The following SFI1 variants were observed in gnomAD, a reference collection of about 807,000 sequenced individuals.
SFI1 encodes protein SFI1 homolog.
Under a neutral mutation model 207.5 loss-of-function variants are expected in SFI1, and 195 were observed. That is an observed-to-expected ratio of 0.94 (90% CI 0.84 to 1.06). The LOEUF (loss-of-function observed/expected upper bound fraction) is 1.06, where lower values mean the gene tolerates loss of function less well. Ranked by LOEUF, SFI1 falls within the 50% of genes least tolerant of loss-of-function variation. The pLI is 0.00. For missense variants in SFI1, 1,634 were observed against 1,588.0 expected (o/e 1.03, Z -0.49); for synonymous variants, 630 against 598.9 (o/e 1.05, Z -0.76).
intron 30 of SFI1, 55 bp from the exon 31 acceptor site, chr22:31,616,945 A>G: frequency 1.2e-6 from 2 of 1,612,850 alleles, no homozygotes; most frequent in East Asian, 4.5e-5. Context: ...CTTGCTATTT[A>G]CCCTGGTCCC....
intron 14 of SFI1, among the ~76,000 whole-genome samples, chr22:31,588,355 A>G (rs1220890759): frequency 1.3e-5 from 2 of 152,240 alleles, no homozygotes; most frequent in African/African-American, 2.4e-5. Flanking sequence ...TGAACAAGTC[A>G]GAAGCTCTGT....
rs2063354132 is a variant in SFI1 at position 31,575,179 on chromosome 22, C to T, written c.923-52C>T. On this transcript the variant is annotated intron_variant, in intron 9 of 32. Coordinates refer to ENST00000400288, the MANE Select transcript of SFI1 (RefSeq NM_001007467.3). ...GGTTCAGCTTGTCTTAAAGATGTTT[C>T]CAGCTCATCTAACCTTAGGGGAGTA... is the stretch of plus-strand genomic sequence containing the variant. 51 of 1,368,114 alleles carry T rather than the reference C, an allele frequency of 3.7e-5. 1 individual carries two copies. The highest frequency in any genetic ancestry group is 4.8e-5 in the Non-Finnish European group (51 of 1,056,350). 84.7% of individuals were successfully genotyped at this position (1,368,114 alleles called of 1,614,324 possible). A position where few individuals can be genotyped will look rare whatever the true frequency, so the allele number is the denominator to read the frequency against.
chr22:31,528,267 T>A (rs2058126575), intron 2 of SFI1, among the ~76,000 whole-genome samples: 1 of 151,116 alleles, frequency 6.6e-6, no homozygotes, highest in Admixed American at 6.6e-5. Context: ...AAAAAAAAAA[T>A]TATCAGGACA....
intron 8 of SFI1, among the ~76,000 whole-genome samples, chr22:31,571,629 A>G (rs1255154299): frequency 6.6e-6 from 1 of 152,018 alleles, no homozygotes; most frequent in Admixed American, 6.6e-5. Context: ...CATTGTTAAC[A>G]TCTTGCCACA....
chr22:31,508,750 C>G (rs2055041679), intron 2 of SFI1, among the ~76,000 whole-genome samples: 1 of 152,136 alleles, frequency 6.6e-6, no homozygotes, highest in African/African-American at 2.4e-5. Context: ...CAATGAAGCT[C>G]TCGGCACCTT....
intron 10 of SFI1, 48 bp downstream of exon 10, chr22:31,575,440 A>G (rs1170744491): frequency 1.3e-6 from 2 of 1,518,232 alleles, no homozygotes; most frequent in East Asian, 2.4e-5. Flanking sequence ...CCAGGACAGC[A>G]TGAGCTCAGC....
intron 5 of SFI1, among the ~76,000 whole-genome samples, chr22:31,549,107 G>GCAAAATC (rs1318845765): frequency 1.3e-5 from 2 of 151,422 alleles, no homozygotes; most frequent in Non-Finnish European, 2.9e-5. Context: ...AGGGAACATG[G>GCAAAATC]CAAAATCCCC....
intron 4 of SFI1, among the ~76,000 whole-genome samples, chr22:31,537,736 A>G (rs2059124260): frequency 6.6e-6 from 1 of 152,188 alleles, no homozygotes; most frequent in Non-Finnish European, 1.5e-5. Flanking sequence ...AAATTTGTGA[A>G]GGGATAGTTA....
At chr22:31,601,470 A>G (rs1398538499) in intron 15 of SFI1, among the ~76,000 whole-genome samples, 1 of 151,918 alleles carries the variant, frequency 6.6e-6, no homozygotes, top group Non-Finnish European at 1.5e-5. Flanking sequence ...TTAAAATACT[A>G]TTTCCTGGGA....
In SFI1 at chr22:31,611,215, A is replaced by G. The variant is rs751361218; in HGVS notation, c.2327A>G (p.Glu776Gly). 9 of 1,613,852 alleles carry G rather than the reference A, an allele frequency of 5.6e-6. No homozygotes were observed. The highest frequency in any genetic ancestry group is 7.6e-6 in the Non-Finnish European group (9 of 1,180,036). ...TCAGCCCAGCAGAGACTGCAGCTGGAGAGGGCAGTGCAACACCACCACCGG... is the reference window on the plus strand; with the variant it reads ...TCAGCCCAGCAGAGACTGCAGCTGGGGAGGGCAGTGCAACACCACCACCGG... ...RRSAQQRLQL[E>G]RAVQHHHRQL... Residue 776 changes from glutamate (E) to glycine (G), a missense_variant, in exon 23 of 33, where the codon GAG becomes GGG. Glu to Gly is a moderately conservative substitution (Grantham distance 98). Transcript: ENST00000400288.
chr22:31,586,330 C>T (rs2065025223), intron 14 of SFI1, among the ~76,000 whole-genome samples: 1 of 152,224 alleles, frequency 6.6e-6, no homozygotes, highest in Admixed American at 6.5e-5. Context: ...TCTTTCCCCA[C>T]AGGCTGTGAA....
chr22:31,577,732 TAAAAAA>T (rs1406355260), intron 10 of SFI1, among the ~76,000 whole-genome samples: 1 of 152,008 alleles, frequency 6.6e-6, no homozygotes, highest in Non-Finnish European at 1.5e-5. Context: ...CCCAGTCTCT[TAAAAAA>T]GAAAAGAAGT....
intron 2 of SFI1, among the ~76,000 whole-genome samples, chr22:31,514,440 G>A (rs927291856): frequency 2.0e-5 from 3 of 147,626 alleles, no homozygotes; most frequent in African/African-American, 7.4e-5. Flanking sequence ...CCTAGGAGGT[G>A]GAGCTTGCAG....
chr22:31,499,340 A>G (rs1197250624), intron 1 of SFI1, among the ~76,000 whole-genome samples: 2 of 152,020 alleles, frequency 1.3e-5, no homozygotes, highest in Non-Finnish European at 2.9e-5. Context: ...GATTACAGGC[A>G]TGTGTCACCA....
chr22:31,516,800 C>G (rs1293278887), intron 2 of SFI1, among the ~76,000 whole-genome samples: 1 of 151,512 alleles, frequency 6.6e-6, no homozygotes, highest in Non-Finnish European at 1.5e-5. Flanking sequence ...ACTAAAAATA[C>G]AAAATTTGCC....
At chr22:31,512,692 ATT>A (rs36123367) in intron 2 of SFI1, among the ~76,000 whole-genome samples, 6 of 141,562 alleles carry the variant, frequency 4.2e-5, no homozygotes, top group East Asian at 2.1e-4. Context: ...TAATATTTGT[ATT>A]TTTTTTTTTT....
chr22:31,615,315 TCTCA>T (rs762182552), intron 29 of SFI1, 36 bp downstream of exon 29: 4 of 1,435,792 alleles, frequency 2.8e-6, no homozygotes, highest in East Asian at 2.4e-5. Flanking sequence ...GCACTGGGGC[TCTCA>T]CTCTGGTCTG....
intron 4 of SFI1, among the ~76,000 whole-genome samples, chr22:31,533,067 A>G (rs2058671997): frequency 6.6e-6 from 1 of 152,180 alleles, no homozygotes; most frequent in South Asian, 2.1e-4. Flanking sequence ...GCCCTCAGGC[A>G]TCAAAAGTCC....
chr22:31,578,615 G>A (rs2063768073), intron 11 of SFI1, among the ~76,000 whole-genome samples, 163 bp downstream of exon 11: 1 of 152,136 alleles, frequency 6.6e-6, no homozygotes. Context: ...TTTTCATTTT[G>A]GATTACAGGT....
Sources: allele counts gnomAD v4.1 joint callset (sites outside exome capture counted in the v4.1 genomes callset), GRCh38; gene constraint gnomAD v4.1.1; transcripts MANE v1.5; gene names NCBI Gene and HGNC (gene_info 2026-07-23, HGNC 2026-07-21).